MARCHF1: variants seen among roughly 807,000 people sequenced by gnomAD.
MARCHF1 encodes the protein membrane associated ring-CH-type finger 1.
In MARCHF1, 40 loss-of-function variants were observed where a neutral mutation model predicts 54.2. The observed-to-expected ratio is 0.74, with a 90% CI of 0.57 to 0.96. The LOEUF (loss-of-function observed/expected upper bound fraction) is 0.96. MARCHF1 is among the 40% of genes least tolerant of loss of function. MARCHF1 has a pLI of 0.00. For synonymous variants in MARCHF1, 236 were observed against 236.3 expected, an observed-to-expected ratio of 1.00 and a Z score of 0.01; for missense variants, 586 against 656.5, an observed-to-expected ratio of 0.89 and a Z score of 1.17.
intron 1 of MARCHF1, among the ~76,000 whole-genome samples, chr4:164,194,854 A>T (rs1458117063): frequency 6.6e-6 from 1 of 152,130 alleles, no homozygotes; most frequent in African/African-American, 2.4e-5. Flanking sequence ...CAGGTTTGTT[A>T]CATAGATATA....
At chr4:163,692,052 C>T (rs953852509) in intron 5 of MARCHF1, among the ~76,000 whole-genome samples, 1 of 152,182 alleles carries the variant, frequency 6.6e-6, no homozygotes, top group Non-Finnish European at 1.5e-5. Context: ...GATCAGGAAG[C>T]TTGTGTGTAT....
At chr4:164,120,554 A>T (rs188102426) in intron 1 of MARCHF1, among the ~76,000 whole-genome samples, 2 of 152,240 alleles carry the variant, frequency 1.3e-5, no homozygotes, top group Admixed American at 6.6e-5. Context: ...CAGCACGTGG[A>T]TCATTCTTAA....
intron 4 of MARCHF1, among the ~76,000 whole-genome samples, chr4:163,740,361 C>G (rs1256046791): frequency 6.6e-6 from 1 of 152,172 alleles, no homozygotes; most frequent in Non-Finnish European, 1.5e-5. Context: ...TGCAAGCTAT[C>G]AAGTTAGTCT....
chr4:163,627,863 G>C (rs1272777932), intron 5 of MARCHF1, among the ~76,000 whole-genome samples: 1 of 151,452 alleles, frequency 6.6e-6, no homozygotes, highest in East Asian at 1.9e-4. Flanking sequence ...GATGGTGCTA[G>C]AATAAACACA....
chr4:164,380,661 A>G (rs1731339475), intron 1 of MARCHF1, among the ~76,000 whole-genome samples: 1 of 152,236 alleles, frequency 6.6e-6, no homozygotes, highest in South Asian at 2.1e-4. Context: ...TTAAAGCTAC[A>G]TTAACAGCAT....
At chr4:163,608,548 C>T (rs1035132258) in intron 7 of MARCHF1, among the ~76,000 whole-genome samples, 1 of 151,966 alleles carries the variant, frequency 6.6e-6, no homozygotes, top group African/African-American at 2.4e-5. Context: ...GTTTGTTTGC[C>T]TTTTAATTAA....
chr4:163,603,763 CA>C (rs1199240486), intron 7 of MARCHF1, among the ~76,000 whole-genome samples: 2 of 151,266 alleles, frequency 1.3e-5, no homozygotes, highest in African/African-American at 4.9e-5. Context: ...ACTTGTATTG[CA>C]AAAAAAAGTC....
chr4:164,132,915 A>G (rs1296619058), intron 1 of MARCHF1, among the ~76,000 whole-genome samples: 1 of 152,132 alleles, frequency 6.6e-6, no homozygotes, highest in Non-Finnish European at 1.5e-5. Flanking sequence ...TTTTATTTTC[A>G]TGCTCACTGT....
chr4:164,239,467 T>C (rs905033687), intron 1 of MARCHF1, among the ~76,000 whole-genome samples: 2 of 152,174 alleles, frequency 1.3e-5, no homozygotes, highest in African/African-American at 2.4e-5. Flanking sequence ...TTTAAAACTT[T>C]AGTATCCCTA....
chr4:163,716,338 G>A (rs546189624), intron 4 of MARCHF1, among the ~76,000 whole-genome samples: 2 of 152,244 alleles, frequency 1.3e-5, no homozygotes, highest in South Asian at 2.1e-4. Flanking sequence ...TTTGTACGGT[G>A]TACCTTGCAA....
intron 2 of MARCHF1, among the ~76,000 whole-genome samples, chr4:164,047,807 A>C (rs115087333): frequency 1.3e-5 from 2 of 152,164 alleles, no homozygotes; most frequent in African/African-American, 2.4e-5. Context: ...TAGTTTGATA[A>C]ACTTAAGTTC....
At chr4:163,583,652 G>GTTTTTTT (rs11350711) in intron 8 of MARCHF1, 45,093 of 122,142 alleles carry the variant, frequency 0.37, 8,959 homozygotes, top group East Asian at 0.46. Context: ...TTTTTTGTGT[G>GTTTTTTT]TTTTTTTTTT....
intron 1 of MARCHF1, among the ~76,000 whole-genome samples, chr4:164,251,724 T>C (rs1382187820): frequency 1.3e-5 from 2 of 152,130 alleles, no homozygotes; most frequent in African/African-American, 2.4e-5. Flanking sequence ...CATTGCCTTA[T>C]TAACCCTTCC....
At chr4:163,622,692 G>A (rs1741731714) in intron 5 of MARCHF1, among the ~76,000 whole-genome samples, 1 of 152,224 alleles carries the variant, frequency 6.6e-6, no homozygotes, top group South Asian at 2.1e-4. Context: ...AATTTTAAAG[G>A]AAGACTCAGG....
chr4:164,040,550 A>G (rs1754107151), intron 2 of MARCHF1, among the ~76,000 whole-genome samples: 1 of 151,084 alleles, frequency 6.6e-6, no homozygotes, highest in African/African-American at 2.4e-5. Context: ...TTGAATTTTG[A>G]ATTAAAAAAT....
chr4:164,084,939 A>G (rs1031540928), intron 2 of MARCHF1, among the ~76,000 whole-genome samples: 3 of 151,836 alleles, frequency 2.0e-5, no homozygotes, highest in African/African-American at 4.8e-5. Flanking sequence ...AAATGAAACA[A>G]TAGTCATCTA....
At chr4:163,680,310 C>G (rs1744062329) in intron 5 of MARCHF1, among the ~76,000 whole-genome samples, 1 of 152,226 alleles carries the variant, frequency 6.6e-6, no homozygotes, top group Non-Finnish European at 1.5e-5. Context: ...TACGCTTAAC[C>G]TACCCAGAAA....
At chr4:163,902,421 G>A (rs1750963514) in intron 3 of MARCHF1, among the ~76,000 whole-genome samples, 2 of 152,102 alleles carry the variant, frequency 1.3e-5, no homozygotes, top group Non-Finnish European at 2.9e-5. Context: ...GCATTAATAC[G>A]GCGAATGGAT....
chr4:163,954,106 T>C (rs1752186795), intron 3 of MARCHF1, among the ~76,000 whole-genome samples: 1 of 152,100 alleles, frequency 6.6e-6, no homozygotes, highest in Admixed American at 6.5e-5. Flanking sequence ...TTTTAATACA[T>C]AAAGAAATAA....
Sources: gnomAD v4.1 joint callset for allele counts (sites outside exome capture counted in the v4.1 genomes callset) on GRCh38, gnomAD v4.1.1 for gene constraint, MANE v1.5 for transcripts, NCBI Gene and HGNC (gene_info 2026-07-23, HGNC 2026-07-21) for gene names.